The following NRBP2 variants were observed in gnomAD, a reference collection of about 807,000 sequenced individuals.
NRBP2 encodes the protein nuclear receptor binding protein 2.
Under a neutral mutation model 74.4 loss-of-function variants are expected in NRBP2, and 47 were observed. The ratio of observed to expected loss-of-function variants is 0.63; its 90% CI spans 0.50 to 0.81. The LOEUF is 0.81. Ranked by LOEUF, NRBP2 falls within the 30% of genes least tolerant of loss-of-function variation. NRBP2 has a pLI of 0.00. For missense variants in NRBP2, 613 were observed against 690.1 expected (o/e 0.89, Z 1.25); for synonymous variants, 312 against 273.8 (o/e 1.14, Z -1.38).
Position 143,839,965 on chromosome 8 carries a change from G to A in NRBP2, c.318C>T (p.His106=). 6.5e-7 allele frequency: 1 copy of A among 1,536,168 alleles called. No homozygotes were observed. The highest frequency in any genetic ancestry group is 8.7e-7 in the Non-Finnish European group (1 of 1,146,918). The change falls in exon 3 of 18, where the codon CAC becomes CAT. Residue 106 remains histidine (H), a synonymous_variant. Coordinates refer to ENST00000442628, the MANE Select transcript of NRBP2 (RefSeq NM_178564.4). The surrounding 1 kb of genome is among the most constrained non-coding windows in gnomAD (Gnocchi z 5.1). ...CCTCAGAGGTATCCAGCCAGTACTT[G>A]TGCAACTTCACGATGTTCGGGTGGT... The part of the protein sequence containing the change: ...LVDHPNIVKL[H]KYWLDTSEAC...
chr8:143,830,499 C>A (rs1818111122), downstream of NRBP2, among the ~76,000 whole-genome samples: 2 of 152,264 alleles, frequency 1.3e-5, no homozygotes, highest in Non-Finnish European at 2.9e-5. Flanking sequence ...CCTGCCTCCA[C>A]CCCTGGGCTG....
rs1385749242 is a variant in NRBP2, at chr8:143,833,875, C to G, written c.*1787G>C. The G allele has an allele frequency of 1.3e-5, 2 of 152,080 alleles. No individual in the cohort carries two copies. Among genetic ancestry groups the G allele is most frequent in the African/African-American group, 4.8e-5 (2 of 41,394 alleles). The allele number at this position is 152,080 out of a possible 1,614,324, so 9.4% of individuals were successfully genotyped here. On this transcript the variant is annotated 3_prime_UTR_variant, in exon 18 of 18. Coordinates refer to ENST00000442628, the MANE Select transcript of NRBP2 (RefSeq NM_178564.4). ...AGGATATGGAAATTACTTTAGATTG[C>G]TAATTTTGAGTTGGAAGGCGTGAGA...
intron 14 of NRBP2, 62 bp from the exon 15 acceptor site, chr8:143,836,242 A>G (rs1331955331): frequency 2.1e-6 from 3 of 1,457,454 alleles, no homozygotes; most frequent in Non-Finnish European, 2.7e-6. Flanking sequence ...CGCGGCCCCA[A>G]AGGGGCCGGG....
chr8:143,838,959 G>T, intron 8 of NRBP2, 21 bp from the exon 9 acceptor site: 1 of 1,590,758 alleles, frequency 6.3e-7, no homozygotes. Flanking sequence ...GAGAGCACAG[G>T]ACACGTAGGA....
In NRBP2 at chr8:143,839,652, C is replaced by T; in HGVS notation, c.444+84G>A. The T allele has an allele frequency of 4.6e-6, 7 of 1,516,810 alleles. No homozygotes were observed. Among genetic ancestry groups the T allele is most frequent in the South Asian group, 3.7e-5 (3 of 81,502 alleles). 94.0% of individuals were successfully genotyped at this position (1,516,810 alleles called of 1,614,324 possible). On this transcript the variant is annotated intron_variant, in intron 4 of 17. Coordinates refer to ENST00000442628, the MANE Select transcript of NRBP2 (RefSeq NM_178564.4). The surrounding 1 kb of genome is among the most constrained non-coding windows in gnomAD (Gnocchi z 5.1). Reference sequence around the variant, plus strand: ...CTCGCCCAGCCCCTGTCCGAGGCCGCCGGGCACCCCCTCACCATCCCAGTC... The same window carrying T: ...CTCGCCCAGCCCCTGTCCGAGGCCGTCGGGCACCCCCTCACCATCCCAGTC...
rs1554652068 is a variant in NRBP2, at chr8:143,837,207, G to A, written c.1128-33C>T. The A allele has an allele frequency of 6.2e-7, 1 of 1,613,880 alleles. No homozygotes were observed. The highest frequency in any genetic ancestry group is 1.3e-5 in the African/African-American group (1 of 75,030). ...CACAACAGGGTGGCTGGGGGTTCAG[G>A]CCTGACAGCTGCCTGGCCCCCAACC... On this transcript the variant is annotated intron_variant, in intron 13 of 17. Coordinates refer to ENST00000442628, the MANE Select transcript of NRBP2 (RefSeq NM_178564.4). This position sits in a 1 kb window ranked among gnomAD's most constrained non-coding sequence, Gnocchi z 4.3.
chr8:143,831,039 G>A (rs1818143815), downstream of NRBP2, among the ~76,000 whole-genome samples: 1 of 152,218 alleles, frequency 6.6e-6, no homozygotes, highest in South Asian at 2.1e-4. Flanking sequence ...CACAATGGAG[G>A]GGGTGGATGG....
downstream of NRBP2, among the ~76,000 whole-genome samples, chr8:143,832,408 A>G (rs1373357367): frequency 2.6e-5 from 4 of 152,050 alleles, no homozygotes; most frequent in Admixed American, 1.3e-4. Flanking sequence ...CGACACCCGT[A>G]AAGGGTCTGT....
chr8:143,840,081 G>C lies in NRBP2; in HGVS notation c.252+26C>G, dbSNP rs548460720. On this transcript the variant is annotated intron_variant, in intron 2 of 17. Coordinates refer to ENST00000442628, the MANE Select transcript of NRBP2 (RefSeq NM_178564.4). This position sits in a 1 kb window ranked among gnomAD's most constrained non-coding sequence, Gnocchi z 5.7. Reference sequence around the variant, plus strand: ...TGGTCAGCAGGTGGTCACCCAAGCAGGATGAGGAGGGGGCAGCGGTCTCAC... The same window carrying C: ...TGGTCAGCAGGTGGTCACCCAAGCACGATGAGGAGGGGGCAGCGGTCTCAC... 347 of 1,536,180 alleles carry C rather than the reference G, an allele frequency of 2.3e-4. 1 individual carries two copies. The highest frequency in any genetic ancestry group is 1.8e-3 in the South Asian group (150 of 84,066).
rs1818368742 is a variant in NRBP2 at position 143,836,110 on chromosome 8, TCCC to T, written c.1317+14_1317+16del. The T allele has an allele frequency of 6.3e-7, 1 of 1,599,790 alleles. No individual in the cohort carries two copies. Among genetic ancestry groups the T allele is most frequent in the Non-Finnish European group, 8.5e-7 (1 of 1,175,320 alleles). ...CGCCTTCCCCACGGCAGCGCCGCCC[TCCC>T]AGGCCCCGCTCACATGCCAGCGCGC... On this transcript the variant is annotated intron_variant, in intron 15 of 17. Transcript: ENST00000442628.
In NRBP2 at chr8:143,839,531, T is replaced by C. The variant is rs1461526229; in HGVS notation, c.463A>G (p.Thr155Ala). The C allele has an allele frequency of 1.3e-6, 2 of 1,532,154 alleles. No homozygotes were observed. The highest frequency in any genetic ancestry group is 1.7e-6 in the Non-Finnish European group (2 of 1,145,644). The allele number at this position is 1,532,154 out of a possible 1,614,324, so 94.9% of individuals were successfully genotyped here. ...CACCTGAGCGCAGACAGGATCTGCG[T>C]GCACCAGCGCTTCCAGGCCTGGCGG... ...MNARAWKRWC[T>A]QILSALSFLH... The change falls in exon 5 of 18, where the codon ACG becomes GCG. Residue 155 changes from threonine to alanine, a missense_variant. Thr to Ala is a moderately conservative substitution (Grantham distance 58). Around this residue, in one of 2 missense-constraint regions of NRBP2, gnomAD observed 332 missense variants for 429.2 expected, o/e 0.77. Coordinates refer to ENST00000442628, the MANE Select transcript of NRBP2 (RefSeq NM_178564.4). This position sits in a 1 kb window ranked among gnomAD's most constrained non-coding sequence, Gnocchi z 5.1.
chr8:143,830,132 C>T (rs529530585), downstream of NRBP2, among the ~76,000 whole-genome samples: 37 of 152,388 alleles, frequency 2.4e-4, 1 homozygote, highest in South Asian at 7.0e-3. Context: ...AATACAGACA[C>T]TTCTACTTAA....
intron 14 of NRBP2, 71 bp downstream of exon 14, chr8:143,836,968 G>A (rs2130535577): frequency 1.9e-5 from 29 of 1,535,630 alleles, no homozygotes; most frequent in Non-Finnish European, 2.5e-5. Context: ...CCTAAGAGAA[G>A]GAGGGGCACC....
chr8:143,836,462 G>A lies in NRBP2; in HGVS notation c.1264-282C>T, dbSNP rs532432058. Among the ~76,000 whole-genome samples, 15 of 152,104 alleles carry A rather than the reference G, an allele frequency of 9.9e-5. No homozygotes were observed. In the South Asian group the frequency reaches 2.1e-3, roughly 21 times the overall value. On this transcript the variant is annotated intron_variant, in intron 14 of 17. Coordinates refer to ENST00000442628, the MANE Select transcript of NRBP2 (RefSeq NM_178564.4). Reference sequence around the variant, plus strand: ...AAGGGAGGTTGGGCGGGACAGGACCGCGCCGAAGTGCACGGTGCCTGCGGG... The same window carrying A: ...AAGGGAGGTTGGGCGGGACAGGACCACGCCGAAGTGCACGGTGCCTGCGGG...
chr8:143,837,992 C>T lies in NRBP2; in HGVS notation c.841-237G>A. 1 of 699,584 alleles carries T rather than the reference C, an allele frequency of 1.4e-6. No homozygotes were observed. The highest frequency in any genetic ancestry group is 2.6e-6 in the Non-Finnish European group (1 of 385,800). 43.3% of individuals were successfully genotyped at this position (699,584 alleles called of 1,614,324 possible). ...ACCATGCTCTGCTTCCCTCGACCCC[C>T]AAAAAATCGTGGGGAGAAGCCATGA... is the stretch of plus-strand genomic sequence containing the variant. On this transcript the variant is annotated intron_variant, in intron 10 of 17. Coordinates refer to ENST00000442628, the MANE Select transcript of NRBP2 (RefSeq NM_178564.4). This position sits in a 1 kb window ranked among gnomAD's most constrained non-coding sequence, Gnocchi z 4.3.
At position 143,839,127 on chromosome 8, in the gene NRBP2, G is replaced by C. The variant is rs547020245; in HGVS notation, c.605-27C>G. 4 of 1,512,264 alleles carry C rather than the reference G, an allele frequency of 2.6e-6. No individual in the cohort carries two copies. In the East Asian group the frequency reaches 9.9e-5, roughly 37 times the overall value. The allele number at this position is 1,512,264 out of a possible 1,614,324, so 93.7% of individuals were successfully genotyped here. A position where few individuals can be genotyped will look rare whatever the true frequency, so the allele number is the denominator to read the frequency against. ...TGTGGGAGGGCGCAGAGCTGAGCGG[G>C]CGGGGACCTCTCCAGGACCCCGTCC... is the stretch of plus-strand genomic sequence containing the variant. On this transcript the variant is annotated intron_variant, in intron 7 of 17. Transcript: ENST00000442628. The surrounding 1 kb of genome is among the most constrained non-coding windows in gnomAD (Gnocchi z 5.1).
At position 143,839,108 on chromosome 8, in the gene NRBP2, A is replaced by G. The variant is rs1040353995; in HGVS notation, c.605-8T>C. ...GGAGATCATCTGGAAGTGCTGTGGG[A>G]GGGCGCAGAGCTGAGCGGGCGGGGA... is the stretch of plus-strand genomic sequence containing the variant. On this transcript the variant is annotated splice_polypyrimidine_tract_variant and splice_region_variant and intron_variant, in intron 7 of 17. Transcript: ENST00000442628. The surrounding 1 kb of genome is among the most constrained non-coding windows in gnomAD (Gnocchi z 5.1). 8.6e-6 allele frequency: 13 copies of G among 1,519,600 alleles called. No individual in the cohort carries two copies. Among genetic ancestry groups the G allele is most frequent in the East Asian group, 7.4e-5 (3 of 40,674 alleles). The allele number at this position is 1,519,600 out of a possible 1,614,324, so 94.1% of individuals were successfully genotyped here.
chr8:143,837,593 AGCCAC>A lies in NRBP2; in HGVS notation c.973+25_973+29del. The A allele has an allele frequency of 6.3e-7, 1 of 1,596,584 alleles. No individual in the cohort carries two copies. Among genetic ancestry groups the A allele is most frequent in the East Asian group, 2.3e-5 (1 of 44,324 alleles). ...TCCACGTCCCAACCTCCACCTCCCCAGCCACCCCCCGGGCCGGCCTGCTGCTCACA... is the reference window on the plus strand; with the variant it reads ...TCCACGTCCCAACCTCCACCTCCCCACCCCCGGGCCGGCCTGCTGCTCACA... On this transcript the variant is annotated intron_variant, in intron 11 of 17. Coordinates refer to ENST00000442628, the MANE Select transcript of NRBP2 (RefSeq NM_178564.4). The surrounding 1 kb of genome is among the most constrained non-coding windows in gnomAD (Gnocchi z 4.3).
chr8:143,836,055 G>T, intron 15 of NRBP2, 25 bp from the exon 16 acceptor site: 3 of 1,564,610 alleles, frequency 1.9e-6, no homozygotes, highest in African/African-American at 1.4e-5. Flanking sequence ...GGGCGTGGTC[G>T]GCTGGGGGTT....
Sources: gnomAD v4.1 joint callset for allele counts (sites outside exome capture counted in the v4.1 genomes callset) on GRCh38, gnomAD v4.1.1 for gene constraint, gnomAD v4.1.1 regional missense constraint, Gnocchi (gnomAD v3.1) non-coding constraint, MANE v1.5 for transcripts, NCBI Gene and HGNC (gene_info 2026-07-23, HGNC 2026-07-21) for gene names.